MDGA2: variants seen among roughly 807,000 people sequenced by gnomAD.
MDGA2 encodes MAM domain containing glycosylphosphatidylinositol anchor 2.
MDGA2 carries 40 observed loss-of-function variants against 117.8 expected under a neutral mutation model. The ratio of observed to expected loss-of-function variants is 0.34; its 90% CI spans 0.26 to 0.44. The LOEUF (loss-of-function observed/expected upper bound fraction) is 0.44, where lower values mean the gene tolerates loss of function less well. Among genes scored for constraint, MDGA2 ranks in the 20% least tolerant of loss-of-function variants. MDGA2 has a pLI of 1.00. For synonymous variants in MDGA2, 452 were observed against 439.0 expected, an observed-to-expected ratio of 1.03 and a Z score of -0.37; for missense variants, 1,123 against 1,250.6, an observed-to-expected ratio of 0.90 and a Z score of 1.54.
At chr14:47,594,774 T>C (rs370754600) in intron 1 of MDGA2, among the ~76,000 whole-genome samples, 10 of 152,234 alleles carry the variant, frequency 6.6e-5, no homozygotes, top group African/African-American at 2.2e-4. Context: ...CCAATATGTA[T>C]TGAGTGCCAA....
chr14:47,651,789 G>T (rs893688531), intron 1 of MDGA2, among the ~76,000 whole-genome samples: 1 of 152,132 alleles, frequency 6.6e-6, no homozygotes, highest in Non-Finnish European at 1.5e-5. Context: ...TAAAGGTGAC[G>T]ATCTGCTTTC....
intron 2 of MDGA2, among the ~76,000 whole-genome samples, chr14:47,223,903 A>C (rs1458373366): frequency 6.6e-6 from 1 of 152,240 alleles, no homozygotes; most frequent in South Asian, 2.1e-4. Flanking sequence ...GAGAAGTGCC[A>C]AGCAAAGCTG....
At chr14:47,540,540 G>GTGTGTGTGTGTGTATATATATATATATA in intron 1 of MDGA2, among the ~76,000 whole-genome samples, 4 of 79,214 alleles carry the variant, frequency 5.0e-5, no homozygotes, top group Admixed American at 1.5e-4. Flanking sequence ...GTGTGTGTGT[G>GTGTGTGTGTGTGTATATATATATATATA]TATATATATA....
At chr14:47,036,528 C>T (rs958784722) in intron 7 of MDGA2, among the ~76,000 whole-genome samples, 1 of 152,110 alleles carries the variant, frequency 6.6e-6, no homozygotes, top group South Asian at 2.1e-4. Flanking sequence ...AATTCAAATG[C>T]ATTTGTGCAG....
intron 9 of MDGA2, among the ~76,000 whole-genome samples, chr14:46,950,918 G>A (rs1466450159): frequency 6.6e-6 from 1 of 151,536 alleles, no homozygotes; most frequent in Non-Finnish European, 1.5e-5. Flanking sequence ...TTGATGTGGA[G>A]TCAAATCTGC....
At chr14:47,024,125 A>G (rs1888388109) in intron 8 of MDGA2, among the ~76,000 whole-genome samples, 2 of 152,192 alleles carry the variant, frequency 1.3e-5, no homozygotes, top group African/African-American at 4.8e-5. Flanking sequence ...GTAGATAGGG[A>G]TACATCACTG....
At chr14:46,928,318 G>T (rs1454357494) in intron 9 of MDGA2, among the ~76,000 whole-genome samples, 1 of 152,054 alleles carries the variant, frequency 6.6e-6, no homozygotes, top group East Asian at 1.9e-4. Flanking sequence ...GCATTTTTAT[G>T]ATGAACATAT....
intron 1 of MDGA2, among the ~76,000 whole-genome samples, chr14:47,549,958 T>C (rs1284973685): frequency 6.6e-6 from 1 of 152,234 alleles, no homozygotes; most frequent in Non-Finnish European, 1.5e-5. Flanking sequence ...ATCTGTGGTA[T>C]TTTGTTATGG....
chr14:46,864,582 A>T (rs1237563738), intron 14 of MDGA2, among the ~76,000 whole-genome samples: 1 of 84,192 alleles, frequency 1.2e-5, no homozygotes. Flanking sequence ...TACAAATTAA[A>T]GGTTTGTTGT....
chr14:47,342,052 T>C (rs1890640892), intron 1 of MDGA2, among the ~76,000 whole-genome samples: 1 of 151,794 alleles, frequency 6.6e-6, no homozygotes, highest in African/African-American at 2.4e-5. Context: ...AGGTGCACCA[T>C]ATTGGCCAGG....
chr14:47,088,481 A>G (rs1890990809), intron 6 of MDGA2, among the ~76,000 whole-genome samples: 1 of 152,182 alleles, frequency 6.6e-6, no homozygotes, highest in African/African-American at 2.4e-5. Context: ...TAATAATGAA[A>G]GATTATGTAA....
rs192027621 is a variant in MDGA2, at chr14:47,163,128, G to T, written c.596-18854C>A. ...ATCTGGTTGTTGATGAATCCTAATG[G>T]TAGGTGATATCAAAAGTGTGGGAAG... is the stretch of plus-strand genomic sequence containing the variant. On this transcript the variant is annotated intron_variant, in intron 3 of 16. Transcript: ENST00000399232. Among the ~76,000 whole-genome samples, 156 of 152,264 alleles carry T rather than the reference G, an allele frequency of 1.0e-3. 1 individual carries two copies. The highest frequency in any genetic ancestry group is 3.5e-3 in the African/African-American group (145 of 41,550).
At chr14:47,220,651 G>A (rs190215784) in intron 2 of MDGA2, among the ~76,000 whole-genome samples, 2 of 152,166 alleles carry the variant, frequency 1.3e-5, no homozygotes, top group African/African-American at 4.8e-5. Context: ...CTTCTATATG[G>A]GGAAAAATAA....
rs1374937909 is a variant in MDGA2 at position 47,280,259 on chromosome 14, C to T, written c.420+21152G>A. ...CACCCGGGAGGCAGAGGTTGCGGTGCGCCGAGATCGCACCATTGCACTCCA... is the reference window on the plus strand; with the variant it reads ...CACCCGGGAGGCAGAGGTTGCGGTGTGCCGAGATCGCACCATTGCACTCCA... On this transcript the variant is annotated intron_variant, in intron 2 of 16. Coordinates refer to ENST00000399232, the MANE Select transcript of MDGA2 (RefSeq NM_001113498.3). Among the ~76,000 whole-genome samples the T allele has an allele frequency of 9.7e-5, 13 of 134,578 alleles. No individual in the cohort carries two copies. In the Admixed American group the frequency reaches 1.1e-3, roughly 11 times the overall value. The allele number at this position is 134,578 out of a possible 152,430, so 88.3% of individuals were successfully genotyped here. A position where few individuals can be genotyped will look rare whatever the true frequency, so the allele number is the denominator to read the frequency against.
intron 1 of MDGA2, among the ~76,000 whole-genome samples, chr14:47,574,760 C>T (rs1896085714): frequency 6.6e-6 from 1 of 152,120 alleles, no homozygotes. Flanking sequence ...AAGGTAGTTG[C>T]TACTGTTAGC....
chr14:47,329,111 T>A (rs1213213397), intron 1 of MDGA2, among the ~76,000 whole-genome samples: 1 of 152,134 alleles, frequency 6.6e-6, no homozygotes, highest in African/African-American at 2.4e-5. Flanking sequence ...TACATATATA[T>A]AGTAGAGATG....
intron 3 of MDGA2, among the ~76,000 whole-genome samples, chr14:47,172,083 A>G (rs765355310): frequency 8.3e-4 from 127 of 152,290 alleles, no homozygotes; most frequent in Admixed American, 3.0e-3. Flanking sequence ...AGGTGGCAGC[A>G]AGGCTGGGGG....
intron 8 of MDGA2, among the ~76,000 whole-genome samples, chr14:46,981,173 G>GGGT (rs1555340294): frequency 9.2e-6 from 1 of 108,420 alleles, no homozygotes; most frequent in Non-Finnish European, 2.1e-5. Context: ...GGAGGCCAAG[G>GGGT]GGGGGGCGGA....
At chr14:47,218,686 G>A (rs9323127) in intron 2 of MDGA2, among the ~76,000 whole-genome samples, 33,396 of 151,860 alleles carry the variant, frequency 0.22, 4,177 homozygotes, top group East Asian at 0.34. Context: ...ATGGCTTATT[G>A]AGATTATGTA....
Sources: allele counts gnomAD v4.1 joint callset (sites outside exome capture counted in the v4.1 genomes callset), GRCh38; gene constraint gnomAD v4.1.1; transcripts MANE v1.5; gene names NCBI Gene and HGNC (gene_info 2026-07-23, HGNC 2026-07-21).